Variants in COL8A1 observed in about 807,000 individuals in gnomAD.
The protein encoded by COL8A1 is collagen alpha-1(VIII) chain.
Under a neutral mutation model 42.7 loss-of-function variants are expected in COL8A1, and 21 were observed. The ratio of observed to expected loss-of-function variants is 0.49; its 90% CI spans 0.35 to 0.71. The LOEUF (loss-of-function observed/expected upper bound fraction) is 0.71. Among genes scored for constraint, COL8A1 ranks in the 30% least tolerant of loss-of-function variants. The pLI, the probability that COL8A1 is intolerant of heterozygous loss-of-function variation, is 0.01. For synonymous variants in COL8A1, 367 were observed against 369.1 expected (o/e 0.99, Z 0.06); for missense variants, 788 against 962.4 (o/e 0.82, Z 2.40).
chr3:99,758,504 G>A (rs1941303554), intron 2 of COL8A1, among the ~76,000 whole-genome samples: 1 of 152,146 alleles, frequency 6.6e-6, no homozygotes, highest in African/African-American at 2.4e-5. Context: ...GGTTATACTG[G>A]ATGCTGTAAC....
At chr3:99,730,786 C>G (rs1404340544) in intron 1 of COL8A1, among the ~76,000 whole-genome samples, 2 of 152,090 alleles carry the variant, frequency 1.3e-5, no homozygotes, top group Non-Finnish European at 2.9e-5. Context: ...CAAAAGAGCT[C>G]TCAGCGAACT....
intron 1 of COL8A1, among the ~76,000 whole-genome samples, chr3:99,654,795 A>T (rs940352276): frequency 2.0e-5 from 3 of 152,150 alleles, no homozygotes; most frequent in Admixed American, 2.0e-4. Context: ...CTCAAAAAAA[A>T]AAAGCACAAT....
intron 1 of COL8A1, among the ~76,000 whole-genome samples, chr3:99,730,593 A>C (rs1559620381): frequency 6.6e-6 from 1 of 152,130 alleles, no homozygotes; most frequent in Non-Finnish European, 1.5e-5. Context: ...GCCTCCAAAA[A>C]TGAAACACTT....
intron 1 of COL8A1, among the ~76,000 whole-genome samples, chr3:99,734,505 C>A (rs575275584): frequency 2.0e-5 from 3 of 151,784 alleles, no homozygotes; most frequent in Admixed American, 2.0e-4. Flanking sequence ...TTCCATTGAA[C>A]TATATCTCTG....
At position 99,643,456 on chromosome 3, in the gene COL8A1, GA is replaced by G. The variant is rs935168642; in HGVS notation, c.-129+4798del. On this transcript the variant is annotated intron_variant, in intron 1 of 3. Transcript: ENST00000652472. ...TGTGTTGAGTGGGTGAATGAATGGGGAAAAAAGCTAAGTATAAAATATCCAT... is the reference window on the plus strand; with the variant it reads ...TGTGTTGAGTGGGTGAATGAATGGGGAAAAAGCTAAGTATAAAATATCCAT... 2.6e-5 allele frequency among the ~76,000 whole-genome samples: 4 copies of G among 152,072 alleles called. No individual in the cohort carries two copies. The East Asian group carries it at 5.8e-4, about 22-fold the overall frequency.
At chr3:99,661,422 C>A (rs1316569808) in intron 1 of COL8A1, among the ~76,000 whole-genome samples, 1 of 151,966 alleles carries the variant, frequency 6.6e-6, no homozygotes, top group Non-Finnish European at 1.5e-5. Context: ...TACCTCACAC[C>A]GACTAGGATG....
At chr3:99,661,209 TAA>T (rs796364782) in intron 1 of COL8A1, among the ~76,000 whole-genome samples, 24 of 152,296 alleles carry the variant, frequency 1.6e-4, no homozygotes, top group Admixed American at 4.6e-4. Context: ...ATATATTTGA[TAA>T]AGAGTTAATA....
intron 1 of COL8A1, among the ~76,000 whole-genome samples, chr3:99,699,484 C>T (rs1180900725): frequency 6.6e-6 from 1 of 152,180 alleles, no homozygotes; most frequent in African/African-American, 2.4e-5. Context: ...CCTAGCACTG[C>T]ACTTTGGACA....
At chr3:99,785,741 C>T (rs1019004641) in intron 2 of COL8A1, among the ~76,000 whole-genome samples, 3 of 152,126 alleles carry the variant, frequency 2.0e-5, no homozygotes, top group Non-Finnish European at 4.4e-5. Context: ...TGTGTGAAGA[C>T]GCAGGGAGGT....
In COL8A1 at chr3:99,796,395, T is replaced by TA. The variant is rs1195419171; in HGVS notation, c.*260dup. The stretch of plus-strand genomic sequence containing the variant: ...CACTTGGTTGTACCCACTGGAATCA[T>TA]ATTAGCTGTTTTATGTTATATGCTT... On this transcript the variant is annotated 3_prime_UTR_variant, in exon 4 of 4. Coordinates refer to ENST00000652472, the MANE Select transcript of COL8A1 (RefSeq NM_020351.4). 3.1e-6 allele frequency: 1 copy of TA among 321,240 alleles called. No homozygotes were observed. The highest frequency in any genetic ancestry group is 5.7e-6 in the Non-Finnish European group (1 of 174,798). 19.9% of individuals were successfully genotyped at this position (321,240 alleles called of 1,614,324 possible).
In COL8A1 at chr3:99,726,887, C is replaced by T. The variant is rs554353186; in HGVS notation, c.-128-18010C>T. On this transcript the variant is annotated intron_variant, in intron 1 of 3. Coordinates refer to ENST00000652472, the MANE Select transcript of COL8A1 (RefSeq NM_020351.4). ...TTCTTTTGGCTTAGGATTGACTTGG[C>T]GATGCGGGCTCTTTTTTGGTTCCAC... Among the ~76,000 whole-genome samples, 682 of 152,008 alleles carry T rather than the reference C, an allele frequency of 4.5e-3. 6 individuals carry two copies. The highest frequency in any genetic ancestry group is 0.015 in the African/African-American group (635 of 41,454).
At chr3:99,639,180 T>C (rs1452700856) in intron 1 of COL8A1, among the ~76,000 whole-genome samples, 1 of 152,020 alleles carries the variant, frequency 6.6e-6, no homozygotes, top group African/African-American at 2.4e-5. Context: ...TGGAAAAAAA[T>C]GATGTGAACG....
At chr3:99,657,116 T>G (rs186530376) in intron 1 of COL8A1, among the ~76,000 whole-genome samples, 314 of 152,302 alleles carry the variant, frequency 2.1e-3, no homozygotes, top group African/African-American at 7.3e-3. Flanking sequence ...AAAACTGACT[T>G]CATCCTTTTA....
At chr3:99,726,021 A>G (rs950825413) in intron 1 of COL8A1, among the ~76,000 whole-genome samples, 1 of 152,190 alleles carries the variant, frequency 6.6e-6, no homozygotes, top group Non-Finnish European at 1.5e-5. Flanking sequence ...ACTAGTTTAC[A>G]GTCTCACCAG....
In COL8A1 at chr3:99,795,288, G is replaced by A. The variant is rs1942080984; in HGVS notation, c.1387G>A (p.Glu463Lys). ...GLPGPIGPKGEAGQKGVPGLP... is the reference protein window; with the variant it reads ...GLPGPIGPKGKAGQKGVPGLP... ...GCCAGGTCCCATAGGGCCCAAGGGG[G>A]AAGCTGGGCAAAAAGGTGTACCAGG... The change falls in exon 4 of 4, where the codon GAA becomes AAA. Residue 463 changes from glutamate (E) to lysine (K), a missense_variant. By Grantham distance (56) the Glu-to-Lys change is moderately conservative. This residue lies in a region of COL8A1 where 154 missense variants were observed against 182.3 expected (regional missense o/e 0.84). Coordinates refer to ENST00000652472, the MANE Select transcript of COL8A1 (RefSeq NM_020351.4). 1 of 1,611,660 alleles carries A rather than the reference G, an allele frequency of 6.2e-7. No individual in the cohort carries two copies. The highest frequency in any genetic ancestry group is 1.3e-5 in the African/African-American group (1 of 74,786).
At chr3:99,689,012 A>G (rs1014277820) in intron 1 of COL8A1, among the ~76,000 whole-genome samples, 6 of 152,198 alleles carry the variant, frequency 3.9e-5, no homozygotes, top group Non-Finnish European at 7.3e-5. Flanking sequence ...GACAAAAATC[A>G]CCCTCAGTAG....
intron 1 of COL8A1, among the ~76,000 whole-genome samples, chr3:99,662,007 T>C (rs577822151): frequency 6.6e-6 from 1 of 152,254 alleles, no homozygotes; most frequent in South Asian, 2.1e-4. Context: ...AGTTTTAATT[T>C]TGGAAGATGA....
intron 1 of COL8A1, among the ~76,000 whole-genome samples, chr3:99,728,225 T>C (rs574555636): frequency 2.2e-4 from 33 of 151,954 alleles, no homozygotes; most frequent in African/African-American, 7.5e-4. Flanking sequence ...GATGACATGA[T>C]TGTATATCTA....
chr3:99,696,736 A>G (rs1032331349), intron 1 of COL8A1, among the ~76,000 whole-genome samples: 1 of 152,286 alleles, frequency 6.6e-6, no homozygotes, highest in South Asian at 2.1e-4. Context: ...AACGAAGACC[A>G]GGCATGCCCA....
Sources: gnomAD v4.1 joint callset for allele counts (sites outside exome capture counted in the v4.1 genomes callset) on GRCh38, gnomAD v4.1.1 for gene constraint, gnomAD v4.1.1 regional missense constraint, MANE v1.5 for transcripts, NCBI Gene and HGNC (gene_info 2026-07-23, HGNC 2026-07-21) for gene names.